The following TYW1 variants were observed in gnomAD, a reference collection of about 807,000 sequenced individuals.
TYW1 encodes S-adenosyl-L-methionine-dependent tRNA 4-demethylwyosine synthase TYW1.
Under a neutral mutation model 96.2 loss-of-function variants are expected in TYW1, and 46 were observed. The observed-to-expected ratio is 0.48, with a 90% CI of 0.38 to 0.61. The LOEUF is 0.61. TYW1 is among the 20% of genes least tolerant of loss of function. The pLI, the probability that TYW1 is intolerant of heterozygous loss-of-function variation, is 0.00. For synonymous variants in TYW1, 274 were observed against 323.0 expected, an observed-to-expected ratio of 0.85 and a Z score of 1.63; for missense variants, 684 against 909.6, an observed-to-expected ratio of 0.75 and a Z score of 3.19.
chr7:67,050,100 G>A (rs1362694884), intron 8 of TYW1, 34 bp downstream of exon 8: 7 of 1,609,780 alleles, frequency 4.3e-6, no homozygotes, highest in African/African-American at 1.3e-5. Flanking sequence ...TTATATGACT[G>A]TAGTCTTAGG....
intron 13 of TYW1, among the ~76,000 whole-genome samples, chr7:67,158,251 G>T (rs1194793099): frequency 6.6e-6 from 1 of 151,862 alleles, no homozygotes; most frequent in Middle Eastern, 3.2e-3. Context: ...ACCACATGTG[G>T]CTAATTTTTG....
intron 7 of TYW1, among the ~76,000 whole-genome samples, chr7:67,029,416 T>TACACATATATATATATAC (rs1794590678): frequency 1.0e-5 from 1 of 97,616 alleles, no homozygotes; most frequent in Admixed American, 1.1e-4. Context: ...TGTGTGTGTG[T>TACACATATATATATATAC]ATATATATAT....
At position 67,183,708 on chromosome 7, in the gene TYW1, T is replaced by C. The variant is rs564406779; in HGVS notation, c.1809+472T>C. Among the ~76,000 whole-genome samples, 3 of 152,330 alleles carry C rather than the reference T, an allele frequency of 2.0e-5. No homozygotes were observed. The South Asian group carries it at 6.2e-4, about 32-fold the overall frequency. The stretch of plus-strand genomic sequence containing the variant: ...TTATACCTTTACCCATTTTTTCTGC[T>C]CTTAGCCCAGATTATTTTAAAGCAA... On this transcript the variant is annotated intron_variant, in intron 14 of 15. Coordinates refer to ENST00000359626, the MANE Select transcript of TYW1 (RefSeq NM_018264.4).
intron 5 of TYW1, 29 bp downstream of exon 5, chr7:67,014,590 A>G: frequency 6.3e-7 from 1 of 1,580,256 alleles, no homozygotes; most frequent in Non-Finnish European, 8.6e-7. Context: ...ATAGGAATAA[A>G]TTCTCCCCAT....
At chr7:67,091,114 C>T (rs574408163) in intron 11 of TYW1, among the ~76,000 whole-genome samples, 37 of 152,218 alleles carry the variant, frequency 2.4e-4, no homozygotes, top group Non-Finnish European at 4.1e-4. Context: ...CACATGTACA[C>T]GTATGTTTAT....
chr7:67,180,398 ATATATATT>A (rs1343096142), intron 13 of TYW1, among the ~76,000 whole-genome samples: 5 of 110,138 alleles, frequency 4.5e-5, no homozygotes, highest in African/African-American at 1.2e-4. Flanking sequence ...ATATATATAT[ATATATATT>A]TATATATATA....
intron 10 of TYW1, among the ~76,000 whole-genome samples, chr7:67,075,476 T>G (rs1796172746): frequency 6.6e-6 from 1 of 152,222 alleles, no homozygotes; most frequent in African/African-American, 2.4e-5. Context: ...AAAGTAGATA[T>G]ACTCTAGGTG....
intron 13 of TYW1, among the ~76,000 whole-genome samples, chr7:67,148,455 T>A (rs374297024): frequency 2.4e-5 from 3 of 127,458 alleles, no homozygotes; most frequent in East Asian, 4.3e-4. Flanking sequence ...TGAGATGGAG[T>A]CTTGCTGTCT....
At chr7:67,231,510 C>T (rs1405743650) in intron 15 of TYW1, among the ~76,000 whole-genome samples, 1 of 152,176 alleles carries the variant, frequency 6.6e-6, no homozygotes, top group African/African-American at 2.4e-5. Context: ...TTTTTGAGAC[C>T]TTTAATGTCC....
At chr7:67,059,021 G>A (rs1273059271) in intron 9 of TYW1, among the ~76,000 whole-genome samples, 5 of 148,218 alleles carry the variant, frequency 3.4e-5, no homozygotes, top group African/African-American at 1.3e-4. Context: ...ACAGTAAACT[G>A]TGTTTTTGGG....
At chr7:67,091,597 T>A (rs181878660) in intron 11 of TYW1, among the ~76,000 whole-genome samples, 92 of 152,310 alleles carry the variant, frequency 6.0e-4, no homozygotes, top group African/African-American at 2.2e-3. Flanking sequence ...GCTGTTTCAA[T>A]TTCTGTCATA....
At chr7:67,071,387 G>GAA (rs753121317) in intron 10 of TYW1, among the ~76,000 whole-genome samples, 5 of 128,504 alleles carry the variant, frequency 3.9e-5, no homozygotes, top group South Asian at 2.6e-4. Context: ...AAAAAAATTG[G>GAA]AAAAAAAAAA....
intron 12 of TYW1, among the ~76,000 whole-genome samples, chr7:67,112,122 AAG>A (rs1797435077): frequency 1.3e-5 from 2 of 149,420 alleles, no homozygotes; most frequent in African/African-American, 4.9e-5. Context: ...AAAAAAAAAA[AAG>A]AAAGTGCAAA....
intron 10 of TYW1, among the ~76,000 whole-genome samples, chr7:67,068,846 T>G (rs1220003217): frequency 6.6e-6 from 1 of 152,232 alleles, no homozygotes; most frequent in African/African-American, 2.4e-5. Flanking sequence ...ATTAGGCTTG[T>G]GTTAACTTGT....
Position 67,232,704 on chromosome 7 carries a change from C to T in TYW1, c.1978-5604C>T, listed in dbSNP as rs1405591165. ...CTGGTCAGTAGGGTCTTCTCATTTT[C>T]TGCAGCTTGCAATGGTCCCTGGTGG... is the stretch of plus-strand genomic sequence containing the variant. On this transcript the variant is annotated intron_variant, in intron 15 of 15. Transcript: ENST00000359626. 1.7e-5 allele frequency among the ~76,000 whole-genome samples: 2 copies of T among 120,096 alleles called. 1 individual carries two copies. The allele number at this position is 120,096 out of a possible 152,430, so 78.8% of individuals were successfully genotyped here.
intron 10 of TYW1, among the ~76,000 whole-genome samples, chr7:67,073,752 C>G (rs1295943983): frequency 2.0e-5 from 2 of 98,640 alleles, no homozygotes; most frequent in African/African-American, 8.5e-5. Context: ...GCCTGGGTGA[C>G]AGTGCGAGAC....
chr7:67,059,164 A>T (rs867047710), intron 9 of TYW1, among the ~76,000 whole-genome samples: 2 of 139,856 alleles, frequency 1.4e-5, no homozygotes, highest in Non-Finnish European at 3.0e-5. Flanking sequence ...CAGTGGTGTG[A>T]TCTCAGCTTA....
intron 11 of TYW1, among the ~76,000 whole-genome samples, chr7:67,091,724 T>C (rs2686998): frequency 5.3e-5 from 8 of 152,228 alleles, no homozygotes; most frequent in African/African-American, 1.4e-4. Flanking sequence ...CATGCTCTTA[T>C]GAAGGAGAGA....
At chr7:67,207,574 G>T (rs547621717) in intron 15 of TYW1, among the ~76,000 whole-genome samples, 68 of 151,982 alleles carry the variant, frequency 4.5e-4, no homozygotes, top group African/African-American at 1.4e-3. Context: ...GTACTTTTTT[G>T]ATTATAGTAA....
Sources: allele counts gnomAD v4.1 joint callset (sites outside exome capture counted in the v4.1 genomes callset), GRCh38; gene constraint gnomAD v4.1.1; transcripts MANE v1.5; gene names NCBI Gene and HGNC (gene_info 2026-07-23, HGNC 2026-07-21).